ARHGAP24: variants seen among roughly 807,000 people sequenced by gnomAD.
ARHGAP24 encodes rho GTPase-activating protein 24.
In ARHGAP24, 50 loss-of-function variants were observed where a neutral mutation model predicts 76.4. The observed-to-expected ratio is 0.65, with a 90% CI of 0.52 to 0.83. The LOEUF (loss-of-function observed/expected upper bound fraction) is 0.83, where lower values mean the gene tolerates loss of function less well. Ranked by LOEUF, ARHGAP24 falls within the 40% of genes least tolerant of loss-of-function variation. The pLI is 0.00. For missense variants in ARHGAP24, 930 were observed against 914.2 expected (o/e 1.02, Z -0.22); for synonymous variants, 345 against 323.3 (o/e 1.07, Z -0.72).
At chr4:85,732,007 A>G (rs1002245731) in intron 3 of ARHGAP24, among the ~76,000 whole-genome samples, 7 of 152,268 alleles carry the variant, frequency 4.6e-5, no homozygotes, top group African/African-American at 1.4e-4. Context: ...GCTGAAATAA[A>G]TGTGATCTTT....
chr4:85,820,712 A>C (rs1327451362), intron 3 of ARHGAP24, among the ~76,000 whole-genome samples: 2 of 152,202 alleles, frequency 1.3e-5, no homozygotes, highest in African/African-American at 4.8e-5. Flanking sequence ...GAGTTTGGCT[A>C]ACACTCACCA....
At chr4:85,678,684 AGT>A (rs1307895068) in intron 2 of ARHGAP24, among the ~76,000 whole-genome samples, 2 of 152,206 alleles carry the variant, frequency 1.3e-5, no homozygotes, top group African/African-American at 4.8e-5. Context: ...TGCAAAATAA[AGT>A]GTAACTACAT....
At chr4:85,799,702 A>T (rs538446546) in intron 3 of ARHGAP24, among the ~76,000 whole-genome samples, 2 of 152,192 alleles carry the variant, frequency 1.3e-5, no homozygotes, top group Admixed American at 6.5e-5. Flanking sequence ...ATATTTAATA[A>T]CTATAAAGAG....
At position 85,995,013 on chromosome 4, in the gene ARHGAP24, C is replaced by G; in HGVS notation, c.1359C>G (p.Pro453=). ...AEGLEKTQTT[P]NGSLQARRSS... ...GTCTTGAGAAAACCCAAACCACCCC[C>G]AATGGGAGCCTACAGGCCAGAAGGA... Residue 453 remains proline, a synonymous_variant, in exon 9 of 10, where the codon CCC becomes CCG. Transcript: ENST00000395184. The G allele has an allele frequency of 4.3e-6, 7 of 1,614,080 alleles. No homozygotes were observed. The highest frequency in any genetic ancestry group is 5.9e-6 in the Non-Finnish European group (7 of 1,180,016).
chr4:85,928,843 T>C (rs1736163548), intron 4 of ARHGAP24, among the ~76,000 whole-genome samples: 1 of 152,144 alleles, frequency 6.6e-6, no homozygotes, highest in Non-Finnish European at 1.5e-5. Context: ...TTCTGCCTCC[T>C]AATGAAAAGA....
At chr4:85,883,985 C>T (rs1733410996) in intron 3 of ARHGAP24, among the ~76,000 whole-genome samples, 1 of 152,128 alleles carries the variant, frequency 6.6e-6, no homozygotes, top group Admixed American at 6.6e-5. Context: ...CCACTTAAAA[C>T]TCCCATAATG....
chr4:85,855,069 T>G (rs1358875856), intron 3 of ARHGAP24, among the ~76,000 whole-genome samples: 1 of 152,198 alleles, frequency 6.6e-6, no homozygotes, highest in East Asian at 1.9e-4. Flanking sequence ...TCTTGAAGAT[T>G]GCAGTTAATA....
At position 85,973,796 on chromosome 4, in the gene ARHGAP24, A is replaced by G. The variant is rs1247022090; in HGVS notation, c.733-1092A>G. Among the ~76,000 whole-genome samples, 4 of 111,662 alleles carry G rather than the reference A, an allele frequency of 3.6e-5. No homozygotes were observed. The East Asian group carries it at 1.1e-3, about 30-fold the overall frequency. 73.3% of individuals were successfully genotyped at this position (111,662 alleles called of 152,430 possible). ...AAAAGACTATTCTTTCCCCCATTAG[A>G]TTTTCTTGGCACTCATGTCAAAAAC... On this transcript the variant is annotated intron_variant, in intron 6 of 9. Coordinates refer to ENST00000395184, the MANE Select transcript of ARHGAP24 (RefSeq NM_001025616.3).
At chr4:85,812,511 A>C (rs1370841530) in intron 3 of ARHGAP24, among the ~76,000 whole-genome samples, 1 of 152,000 alleles carries the variant, frequency 6.6e-6, no homozygotes. Context: ...TCTAACCCAG[A>C]GTTTTTTGCC....
chr4:85,668,219 A>G (rs1722708126), intron 2 of ARHGAP24, among the ~76,000 whole-genome samples: 2 of 152,348 alleles, frequency 1.3e-5, no homozygotes, highest in South Asian at 2.1e-4. Flanking sequence ...CTCTAATACT[A>G]TGTTCATACA....
At chr4:85,989,673 G>T (rs571990064) in intron 8 of ARHGAP24, among the ~76,000 whole-genome samples, 1 of 151,690 alleles carries the variant, frequency 6.6e-6, no homozygotes, top group South Asian at 2.1e-4. Context: ...CATATAAAAA[G>T]GATAATAAAT....
At chr4:85,601,440 A>G (rs1720024252) in intron 2 of ARHGAP24, among the ~76,000 whole-genome samples, 1 of 152,054 alleles carries the variant, frequency 6.6e-6, no homozygotes, top group South Asian at 2.1e-4. Context: ...GGGATTTTCA[A>G]CTCAGTACTA....
intron 2 of ARHGAP24, among the ~76,000 whole-genome samples, chr4:85,642,613 A>G (rs1304024392): frequency 6.6e-6 from 1 of 152,090 alleles, no homozygotes; most frequent in Non-Finnish European, 1.5e-5. Context: ...TAAAATAAAA[A>G]CCTTGCAGGC....
chr4:86,001,705 A>G lies in ARHGAP24; in HGVS notation c.*983A>G, dbSNP rs1322260066. 34 of 333,442 alleles carry G rather than the reference A, an allele frequency of 1.0e-4. No homozygotes were observed. Among genetic ancestry groups the G allele is most frequent in the Non-Finnish European group, 2.7e-5 (5 of 185,744 alleles). 20.7% of individuals were successfully genotyped at this position (333,442 alleles called of 1,614,324 possible). ...TGCACTTTAGAATACCAGCAGTGAA[A>G]TGGTATTACTGTTTCCCTCTGAGTG... On this transcript the variant is annotated 3_prime_UTR_variant, in exon 10 of 10. Transcript: ENST00000395184.
intron 5 of ARHGAP24, among the ~76,000 whole-genome samples, chr4:85,953,308 A>C (rs898267957): frequency 6.6e-6 from 1 of 152,108 alleles, no homozygotes; most frequent in Non-Finnish European, 1.5e-5. Flanking sequence ...TTATTTTTCA[A>C]ATTTGTTTTG....
At chr4:85,851,220 C>T (rs1448725015) in intron 3 of ARHGAP24, among the ~76,000 whole-genome samples, 2 of 152,092 alleles carry the variant, frequency 1.3e-5, no homozygotes, top group Non-Finnish European at 2.9e-5. Context: ...TTCTTTGTCT[C>T]TTTTGATCTT....
intron 3 of ARHGAP24, chr4:85,723,671 T>C (rs1445489004): frequency 1.3e-5 from 2 of 152,202 alleles, no homozygotes; most frequent in African/African-American, 4.8e-5. Flanking sequence ...AGCTGCTAAA[T>C]TAGGTTTTAT....
chr4:85,536,951 A>G (rs1041101422), intron 1 of ARHGAP24, among the ~76,000 whole-genome samples: 7 of 152,114 alleles, frequency 4.6e-5, no homozygotes, highest in Admixed American at 1.3e-4. Context: ...AATTTATTGC[A>G]TTTCTACTGT....
chr4:85,739,398 C>A (rs1725733664), intron 3 of ARHGAP24, among the ~76,000 whole-genome samples: 1 of 152,192 alleles, frequency 6.6e-6, no homozygotes, highest in Admixed American at 6.5e-5. Context: ...GATTCTGCTT[C>A]CAAAATATAT....
Sources: gnomAD v4.1 joint callset for allele counts (sites outside exome capture counted in the v4.1 genomes callset) on GRCh38, gnomAD v4.1.1 for gene constraint, MANE v1.5 for transcripts, NCBI Gene and HGNC (gene_info 2026-07-23, HGNC 2026-07-21) for gene names.